Variants in SLC8A1 observed in about 807,000 individuals in gnomAD.
SLC8A1 encodes solute carrier family 8 member A1.
SLC8A1 carries 18 observed loss-of-function variants against 68.3 expected under a neutral mutation model. The observed-to-expected ratio is 0.26, with a 90% CI of 0.18 to 0.39. SLC8A1 has a LOEUF of 0.39. SLC8A1 is among the 10% of genes least tolerant of loss of function. The pLI, the probability that SLC8A1 is intolerant of heterozygous loss-of-function variation, is 1.00. For missense variants in SLC8A1, 985 were observed against 1,156.7 expected (o/e 0.85, Z 2.15); for synonymous variants, 475 against 415.5 (o/e 1.14, Z -1.74).
At chr2:40,388,932 T>C (rs1254568463) in intron 2 of SLC8A1, among the ~76,000 whole-genome samples, 3 of 152,150 alleles carry the variant, frequency 2.0e-5, no homozygotes, top group Non-Finnish European at 4.4e-5. Flanking sequence ...TTAGTGAATC[T>C]AGGGAACAAA....
intron 2 of SLC8A1, among the ~76,000 whole-genome samples, chr2:40,229,696 C>G (rs1269193624): frequency 6.6e-6 from 1 of 151,894 alleles, no homozygotes; most frequent in Non-Finnish European, 1.5e-5. Flanking sequence ...CCAAACATAA[C>G]CTAACAACTA....
chr2:40,353,632 C>T (rs530256677), intron 2 of SLC8A1, among the ~76,000 whole-genome samples: 2 of 152,276 alleles, frequency 1.3e-5, no homozygotes, highest in African/African-American at 4.8e-5. Flanking sequence ...TAATTCTAGG[C>T]CTGAAAACTA....
At chr2:40,385,909 A>G (rs1211150477) in intron 2 of SLC8A1, among the ~76,000 whole-genome samples, 1 of 151,396 alleles carries the variant, frequency 6.6e-6, no homozygotes, top group Non-Finnish European at 1.5e-5. Context: ...ATATTATTCC[A>G]CCACTACAAA....
At chr2:40,300,611 A>C (rs774198238) in intron 2 of SLC8A1, among the ~76,000 whole-genome samples, 1 of 152,190 alleles carries the variant, frequency 6.6e-6, no homozygotes, top group South Asian at 2.1e-4. Context: ...CACAGTTCAA[A>C]CCTCAGACTC....
intron 2 of SLC8A1, among the ~76,000 whole-genome samples, chr2:40,201,768 T>C (rs2054410825): frequency 6.6e-6 from 1 of 151,928 alleles, no homozygotes; most frequent in Admixed American, 6.6e-5. Context: ...TTGCATGAGT[T>C]CTTGGTCCCC....
intron 2 of SLC8A1, among the ~76,000 whole-genome samples, chr2:40,409,853 C>T (rs1691542535): frequency 6.6e-6 from 1 of 152,128 alleles, no homozygotes; most frequent in Admixed American, 6.6e-5. Context: ...CCTTCAATTT[C>T]ATTACTGTCT....
chr2:40,377,950 T>A (rs1421638650), intron 2 of SLC8A1, among the ~76,000 whole-genome samples: 1 of 152,130 alleles, frequency 6.6e-6, no homozygotes, highest in Non-Finnish European at 1.5e-5. Context: ...TCTTATAATT[T>A]CTACCACAAA....
intron 2 of SLC8A1, among the ~76,000 whole-genome samples, chr2:40,369,467 A>G (rs1435881529): frequency 6.6e-6 from 1 of 152,074 alleles, no homozygotes; most frequent in African/African-American, 2.4e-5. Flanking sequence ...ATTCCACTCT[A>G]AGAGAAAATG....
At chr2:40,380,584 G>T (rs1681416486) in intron 2 of SLC8A1, among the ~76,000 whole-genome samples, 1 of 152,148 alleles carries the variant, frequency 6.6e-6, no homozygotes, top group East Asian at 1.9e-4. Context: ...CGGCACAAGT[G>T]GGTTCCACCA....
intron 1 of SLC8A1, among the ~76,000 whole-genome samples, chr2:40,431,811 T>C (rs919772198): frequency 6.6e-5 from 10 of 152,182 alleles, no homozygotes; most frequent in Non-Finnish European, 1.5e-5. Flanking sequence ...TTGCTGCTGA[T>C]GGCTTATACT....
chr2:40,224,762 C>T (rs1896712), intron 2 of SLC8A1, among the ~76,000 whole-genome samples: 18,510 of 152,106 alleles, frequency 0.12, 1,205 homozygotes, highest in Non-Finnish European at 0.14. Flanking sequence ...GCCTCATCTT[C>T]TGCAGAAGAT....
intron 1 of SLC8A1, among the ~76,000 whole-genome samples, chr2:40,449,491 G>C (rs955588063): frequency 2.0e-5 from 3 of 152,142 alleles, no homozygotes; most frequent in African/African-American, 7.2e-5. Context: ...AAGCTTAACA[G>C]AGCAATTAAC....
At chr2:40,464,847 G>C (rs1475246943) in intron 1 of SLC8A1, among the ~76,000 whole-genome samples, 1 of 152,128 alleles carries the variant, frequency 6.6e-6, no homozygotes, top group Non-Finnish European at 1.5e-5. Context: ...TGAGTAAAGA[G>C]TCCATCTCAG....
chr2:40,510,943 C>A (rs979427114), intron 1 of SLC8A1, among the ~76,000 whole-genome samples: 4 of 152,104 alleles, frequency 2.6e-5, no homozygotes, highest in Non-Finnish European at 4.4e-5. Flanking sequence ...ACATTCAGAG[C>A]TTGAAAGAAA....
At chr2:40,297,324 T>G (rs1414816157) in intron 2 of SLC8A1, among the ~76,000 whole-genome samples, 1 of 152,206 alleles carries the variant, frequency 6.6e-6, no homozygotes, top group African/African-American at 2.4e-5. Context: ...TATGCCACTT[T>G]CTTGCTCTGT....
intron 1 of SLC8A1, among the ~76,000 whole-genome samples, chr2:40,500,638 G>A (rs1360237943): frequency 6.6e-6 from 1 of 151,838 alleles, no homozygotes; most frequent in African/African-American, 2.4e-5. Flanking sequence ...TTTAATTAGG[G>A]AAAACATATG....
intron 2 of SLC8A1, among the ~76,000 whole-genome samples, chr2:40,358,084 G>T (rs1369620546): frequency 3.3e-5 from 5 of 149,634 alleles, no homozygotes; most frequent in Admixed American, 1.3e-4. Flanking sequence ...TGGCGGTGCT[G>T]GTGGTGACCT....
At chr2:40,126,180 T>G (rs1176588720) in intron 7 of SLC8A1, among the ~76,000 whole-genome samples, 2 of 152,140 alleles carry the variant, frequency 1.3e-5, no homozygotes, top group African/African-American at 4.8e-5. Context: ...AACAACTCCA[T>G]GCTCTGAACA....
chr2:40,362,934 A>G (rs1675029371), intron 2 of SLC8A1, among the ~76,000 whole-genome samples: 5 of 152,092 alleles, frequency 3.3e-5, no homozygotes, highest in African/African-American at 1.2e-4. Flanking sequence ...ACCCCATGCA[A>G]TACAGTTTAT....
Sources: allele counts gnomAD v4.1 joint callset (sites outside exome capture counted in the v4.1 genomes callset), GRCh38; gene constraint gnomAD v4.1.1; transcripts MANE v1.5; gene names NCBI Gene and HGNC (gene_info 2026-07-23, HGNC 2026-07-21).